TENM4: variants seen among roughly 807,000 people sequenced by gnomAD.
The protein encoded by TENM4 is teneurin-4.
Under a neutral mutation model 243.3 loss-of-function variants are expected in TENM4, and 82 were observed. The observed-to-expected ratio is 0.34, with a 90% CI of 0.28 to 0.40. The LOEUF (loss-of-function observed/expected upper bound fraction) is 0.40, where lower values mean the gene tolerates loss of function less well. Among genes scored for constraint, TENM4 ranks in the 10% least tolerant of loss-of-function variants. TENM4 has a pLI of 1.00. For synonymous variants in TENM4, 1,412 were observed against 1,456.3 expected (o/e 0.97, Z 0.69); for missense variants, 3,138 against 3,673.3 (o/e 0.85, Z 3.77).
chr11:79,418,612 G>A (rs1464885987), intron 1 of TENM4, among the ~76,000 whole-genome samples: 1 of 152,172 alleles, frequency 6.6e-6, no homozygotes, highest in African/African-American at 2.4e-5. Flanking sequence ...ATGTGCATAT[G>A]CTATTCCCTG....
chr11:78,849,462 T>C (rs1278087996), intron 12 of TENM4, among the ~76,000 whole-genome samples: 1 of 152,242 alleles, frequency 6.6e-6, no homozygotes, highest in Non-Finnish European at 1.5e-5. Flanking sequence ...TGAGCCTTGA[T>C]TTCTTCATCT....
chr11:78,879,425 C>A (rs1258651415), intron 9 of TENM4, among the ~76,000 whole-genome samples: 2 of 150,434 alleles, frequency 1.3e-5, no homozygotes, highest in Non-Finnish European at 3.0e-5. Flanking sequence ...TCTGCCCGGC[C>A]GCCCCGTCTG....
chr11:79,337,374 G>A (rs574269627), intron 1 of TENM4, among the ~76,000 whole-genome samples: 3 of 152,172 alleles, frequency 2.0e-5, no homozygotes, highest in South Asian at 2.1e-4. Flanking sequence ...GTGCCTCACC[G>A]TGATCACAGC....
intron 1 of TENM4, among the ~76,000 whole-genome samples, chr11:79,312,146 G>A (rs1856732530): frequency 6.6e-6 from 1 of 152,102 alleles, no homozygotes; most frequent in Admixed American, 6.5e-5. Context: ...CCCATCTACA[G>A]CTCCCCACAG....
chr11:78,967,259 A>G (rs1431962291), intron 6 of TENM4, among the ~76,000 whole-genome samples: 1 of 152,160 alleles, frequency 6.6e-6, no homozygotes, highest in African/African-American at 2.4e-5. Flanking sequence ...CCATTACCAT[A>G]TGTGCCTAGT....
At chr11:79,111,266 C>A (rs1026760932) in intron 4 of TENM4, among the ~76,000 whole-genome samples, 13 of 152,180 alleles carry the variant, frequency 8.5e-5, no homozygotes, top group Non-Finnish European at 1.2e-4. Context: ...CTTTTTCTGG[C>A]CAGGCGCCGT....
intron 2 of TENM4, among the ~76,000 whole-genome samples, chr11:79,232,385 C>T (rs1864390151): frequency 6.6e-6 from 1 of 152,224 alleles, no homozygotes; most frequent in Non-Finnish European, 1.5e-5. Flanking sequence ...CACGGGCAGC[C>T]CCAGCCTGTG....
chr11:78,704,032 T>TACAC lies in TENM4; in HGVS notation c.4210-1630_4210-1629insGTGT, dbSNP rs1287376932. On this transcript the variant is annotated intron_variant, in intron 27 of 33. Transcript: ENST00000278550. Reference sequence around the variant, plus strand: ...ACACACACACACACACACATATATATATACACACACACACACACACACACA... The same window carrying TACAC: ...ACACACACACACACACACATATATATACACATACACACACACACACACACACACA... Among the ~76,000 whole-genome samples the TACAC allele has an allele frequency of 1.2e-4, 16 of 136,590 alleles. 1 individual carries two copies. In the East Asian group the frequency reaches 2.8e-3, roughly 24 times the overall value. 89.6% of individuals were successfully genotyped at this position (136,590 alleles called of 152,430 possible).
chr11:79,148,513 A>G (rs1269663438), intron 4 of TENM4, among the ~76,000 whole-genome samples, 197 bp downstream of exon 4: 1 of 152,108 alleles, frequency 6.6e-6, no homozygotes, highest in East Asian at 1.9e-4. Context: ...TGAAACATAT[A>G]AAAATCTTGC....
In TENM4 at chr11:79,312,866, C is replaced by T. The variant is rs567422943; in HGVS notation, c.-320-15323G>A. Among the ~76,000 whole-genome samples the T allele has an allele frequency of 2.4e-4, 37 of 152,304 alleles. No individual in the cohort carries two copies. In the South Asian group the frequency reaches 7.5e-3, roughly 31 times the overall value. On this transcript the variant is annotated intron_variant, in intron 1 of 33. Coordinates refer to ENST00000278550, the MANE Select transcript of TENM4 (RefSeq NM_001098816.3). ...CCTTTCTCTTAATGAGATGCACAATCTCCACTCCACAGAGCCTTCCCTGCC... is the reference window on the plus strand; with the variant it reads ...CCTTTCTCTTAATGAGATGCACAATTTCCACTCCACAGAGCCTTCCCTGCC...
intron 26 of TENM4, among the ~76,000 whole-genome samples, chr11:78,710,306 C>T (rs1307377915): frequency 6.6e-6 from 1 of 152,144 alleles, no homozygotes; most frequent in Admixed American, 6.5e-5. Context: ...GTGGCTGGCA[C>T]TTTGTGAGTT....
rs142506558 is a variant in TENM4 at position 79,029,310 on chromosome 11, C to G, written c.493+35428G>C. Among the ~76,000 whole-genome samples the G allele has an allele frequency of 6.2e-3, 940 of 152,296 alleles. 7 individuals are homozygous for G. The highest frequency in any genetic ancestry group is 0.021 in the African/African-American group (879 of 41,558). On this transcript the variant is annotated intron_variant, in intron 6 of 33. Transcript: ENST00000278550. ...ATCTTCCAGAACTGCAATCTTTCCC[C>G]TGGCCTCCTCCGCCTGCTAGATTCA... is the stretch of plus-strand genomic sequence containing the variant.
At chr11:78,742,619 G>A (rs1268014056) in intron 19 of TENM4, among the ~76,000 whole-genome samples, 1 of 152,196 alleles carries the variant, frequency 6.6e-6, no homozygotes, top group African/African-American at 2.4e-5. Flanking sequence ...GGTGAACTCT[G>A]CCAGGAGGGA....
intron 4 of TENM4, among the ~76,000 whole-genome samples, chr11:79,138,943 ATATAT>A (rs1181018558): frequency 2.8e-5 from 3 of 107,468 alleles, no homozygotes; most frequent in African/African-American, 3.8e-5. Flanking sequence ...TATATAAAAT[ATATAT>A]TATATTTCCA....
chr11:79,349,709 GGAGA>G (rs1463175729), intron 1 of TENM4, among the ~76,000 whole-genome samples: 1 of 152,180 alleles, frequency 6.6e-6, no homozygotes, highest in Non-Finnish European at 1.5e-5. Flanking sequence ...CAGGGAAAGG[GGAGA>G]GAGAGTTAGG....
rs1243268040 is a variant in TENM4 at position 78,812,264 on chromosome 11, G to A, written c.1836C>T (p.Cys612=). ...CGCCTTTCCAGCCACTGTGGCACAA[G>A]CATCTGCCTTTCATGTATTGGCCAT... is the stretch of plus-strand genomic sequence containing the variant. ...SGNGQYMKGR[C]LCHSGWKGAE... is the part of the protein sequence containing the mutation. The change falls in exon 14 of 34, where the codon TGC becomes TGT. Residue 612 remains cysteine (C), a synonymous_variant. Coordinates refer to ENST00000278550, the MANE Select transcript of TENM4 (RefSeq NM_001098816.3). 4.4e-5 allele frequency: 69 copies of A among 1,551,942 alleles called. No homozygotes were observed. The highest frequency in any genetic ancestry group is 5.9e-5 in the Non-Finnish European group (68 of 1,147,162).
intron 16 of TENM4, among the ~76,000 whole-genome samples, chr11:78,785,917 C>T (rs1856925164): frequency 6.6e-6 from 1 of 151,840 alleles, no homozygotes; most frequent in Non-Finnish European, 1.5e-5. Context: ...CAGAAAGGTA[C>T]CTGGAATCCT....
intron 1 of TENM4, among the ~76,000 whole-genome samples, chr11:79,334,058 G>A (rs1241502104): frequency 1.3e-5 from 2 of 152,192 alleles, no homozygotes; most frequent in Non-Finnish European, 2.9e-5. Flanking sequence ...TGTAGTTCAT[G>A]AGAACAGCAA....
At chr11:78,948,559 G>T (rs1164493421) in intron 6 of TENM4, among the ~76,000 whole-genome samples, 3 of 152,098 alleles carry the variant, frequency 2.0e-5, no homozygotes, top group Admixed American at 2.0e-4. Context: ...TTTTAGTAGA[G>T]ATGGGGTCTC....
Sources: gnomAD v4.1 joint callset for allele counts (sites outside exome capture counted in the v4.1 genomes callset) on GRCh38, gnomAD v4.1.1 for gene constraint, MANE v1.5 for transcripts, NCBI Gene and HGNC (gene_info 2026-07-23, HGNC 2026-07-21) for gene names.